TLL2: variants seen among roughly 807,000 people sequenced by gnomAD.
TLL2 encodes the protein tolloid like 2.
Under a neutral mutation model 123.0 loss-of-function variants are expected in TLL2, and 106 were observed. The observed-to-expected ratio is 0.86, with a 90% CI of 0.74 to 1.01. TLL2 has a LOEUF of 1.01. Ranked by LOEUF, TLL2 falls within the 50% of genes least tolerant of loss-of-function variation. The pLI, the probability that TLL2 is intolerant of heterozygous loss-of-function variation, is 0.00. For synonymous variants in TLL2, 494 were observed against 516.8 expected, an observed-to-expected ratio of 0.96 and a Z score of 0.60; for missense variants, 1,332 against 1,336.7, an observed-to-expected ratio of 1.00 and a Z score of 0.06.
chr10:96,393,720 CT>C (rs1044972664), intron 13 of TLL2, among the ~76,000 whole-genome samples: 24 of 102,224 alleles, frequency 2.3e-4, no homozygotes, highest in South Asian at 3.8e-4. Flanking sequence ...TATGGCCTGG[CT>C]TTTTTTTTCT....
At chr10:96,430,913 C>CA (rs1425943449) in intron 4 of TLL2, among the ~76,000 whole-genome samples, 4 of 152,042 alleles carry the variant, frequency 2.6e-5, no homozygotes, top group Non-Finnish European at 5.9e-5. Context: ...AAGAAACAAA[C>CA]AACAACAACA....
At position 96,395,911 on chromosome 10, in the gene TLL2, C is replaced by G. The variant is rs1846335106; in HGVS notation, c.1494G>C (p.Glu498Asp). 6.2e-7 allele frequency: 1 copy of G among 1,614,098 alleles called. No homozygotes were observed. The highest frequency in any genetic ancestry group is 8.5e-7 in the Non-Finnish European group (1 of 1,180,044). ...GGAAGGTAAGTCCCACGTGAAACCCCTCTGAAACCGTAATCCTCCAGACAC... is the reference window on the plus strand; with the variant it reads ...GGAAGGTAAGTCCCACGTGAAACCCGTCTGAAACCGTAATCCTCCAGACAC... ...KECVWRITVS[E>D]GFHVGLTFQA... is the part of the protein sequence containing the mutation. The change falls in exon 12 of 21, where the codon GAG (glutamate) becomes GAC (aspartate). Residue 498 changes from glutamate (E) to aspartate (D), a missense_variant. Physicochemically the swap from Glu to Asp is conservative, Grantham distance 45 (BLOSUM62 2). Coordinates refer to ENST00000357947, the MANE Select transcript of TLL2 (RefSeq NM_012465.4).
At chr10:96,475,846 C>T (rs766961741) in intron 2 of TLL2, among the ~76,000 whole-genome samples, 3 of 152,222 alleles carry the variant, frequency 2.0e-5, no homozygotes, top group South Asian at 2.1e-4. Context: ...AATTATGGGA[C>T]GGGTCTTTCC....
intron 3 of TLL2, among the ~76,000 whole-genome samples, chr10:96,436,689 C>T (rs1180102924): frequency 2.0e-5 from 3 of 151,468 alleles, no homozygotes; most frequent in African/African-American, 7.3e-5. Context: ...TATTGCTATA[C>T]CTTTTTTTTT....
rs972145058 is a variant in TLL2, at chr10:96,374,977, G to A, written c.2449-1168C>T. Reference sequence around the variant, plus strand: ...CATTAGTTGCGGGGGGGGGGGGGGGGTGTCAATTCAAAAGAGCGGGGCTGG... The same window carrying A: ...CATTAGTTGCGGGGGGGGGGGGGGGATGTCAATTCAAAAGAGCGGGGCTGG... On this transcript the variant is annotated intron_variant, in intron 18 of 20. Transcript: ENST00000357947. Among the ~76,000 whole-genome samples the A allele has an allele frequency of 1.7e-3, 105 of 61,130 alleles. 2 individuals carry two copies. Among genetic ancestry groups the A allele is most frequent in the African/African-American group, 6.1e-3 (70 of 11,428 alleles). The allele number at this position is 61,130 out of a possible 152,430, so 40.1% of individuals were successfully genotyped here. A position where few individuals can be genotyped will look rare whatever the true frequency, so the allele number is the denominator to read the frequency against.
intron 1 of TLL2, among the ~76,000 whole-genome samples, chr10:96,482,090 T>G (rs2134105265): frequency 6.6e-6 from 1 of 152,204 alleles, no homozygotes; most frequent in Admixed American, 6.5e-5. Context: ...ACTCTGTCTC[T>G]ATTAAAAATA....
chr10:96,474,544 G>A (rs1461014945), intron 2 of TLL2, among the ~76,000 whole-genome samples: 2 of 152,146 alleles, frequency 1.3e-5, no homozygotes, highest in East Asian at 1.9e-4. Flanking sequence ...GGAAACTGGG[G>A]GCCTGCACAG....
chr10:96,418,750 AAAT>A (rs138063390), intron 7 of TLL2, among the ~76,000 whole-genome samples: 6,037 of 148,030 alleles, frequency 0.041, 397 homozygotes, highest in African/African-American at 0.13. Flanking sequence ...TGAATTTATA[AAAT>A]AATAATTATT....
chr10:96,434,703 T>G (rs1164396605), intron 3 of TLL2, among the ~76,000 whole-genome samples: 1 of 152,236 alleles, frequency 6.6e-6, no homozygotes, highest in Admixed American at 6.5e-5. Context: ...GGTACATGCC[T>G]GGGGTGGAAT....
chr10:96,499,952 T>C (rs1488303340), intron 1 of TLL2, among the ~76,000 whole-genome samples: 2 of 151,944 alleles, frequency 1.3e-5, no homozygotes, highest in African/African-American at 2.4e-5. Flanking sequence ...AAAACTAGAA[T>C]ATAAACTATT....
intron 2 of TLL2, among the ~76,000 whole-genome samples, chr10:96,464,750 T>C (rs538219773): frequency 6.8e-4 from 104 of 152,316 alleles, no homozygotes; most frequent in African/African-American, 2.4e-3. Context: ...ATATCCATAA[T>C]ACATGTTTTC....
chr10:96,513,476 A>G lies in TLL2; in HGVS notation c.175+35T>C, dbSNP rs754976960. On this transcript the variant is annotated intron_variant, in intron 1 of 20. Coordinates refer to ENST00000357947, the MANE Select transcript of TLL2 (RefSeq NM_012465.4). ...CCACCTCATTTGCATTTCAAAGGCA[A>G]ACTTCTGCGGGACTTCCCCAGCGGC... 6 of 1,610,612 alleles carry G rather than the reference A, an allele frequency of 3.7e-6. No homozygotes were observed. In the Admixed American group the frequency reaches 1.0e-4, roughly 27 times the overall value.
At position 96,384,735 on chromosome 10, in the gene TLL2, G is replaced by A. The variant is rs370016272; in HGVS notation, c.2046C>T (p.Ser682=). ...VCKYDFVEVR[S]GLSPDAKLHG... ...GCAGCTTGGCGTCGGGGGACAGGCC[G>A]CTGCGCACCTCTACAAAGTCGTACT... Residue 682 remains serine, a synonymous_variant, in exon 16 of 21, where the codon AGC becomes AGT. Coordinates refer to ENST00000357947, the MANE Select transcript of TLL2 (RefSeq NM_012465.4). The A allele has an allele frequency of 1.8e-5, 29 of 1,606,070 alleles. No homozygotes were observed. Among genetic ancestry groups the A allele is most frequent in the Middle Eastern group, 1.6e-4 (1 of 6,068 alleles).
intron 2 of TLL2, among the ~76,000 whole-genome samples, chr10:96,466,541 C>A (rs1322022742): frequency 1.3e-5 from 2 of 152,212 alleles, no homozygotes; most frequent in Non-Finnish European, 2.9e-5. Context: ...ATGGCCAGGC[C>A]TACTTGTCGG....
At chr10:96,410,704 G>C (rs1359903038) in intron 8 of TLL2, 3 of 619,678 alleles carry the variant, frequency 4.8e-6, no homozygotes, top group Admixed American at 2.1e-5. Flanking sequence ...TCTCAGGACT[G>C]AGCATGGCCT....
intron 2 of TLL2, among the ~76,000 whole-genome samples, chr10:96,452,284 G>A (rs1490694435): frequency 6.6e-6 from 1 of 152,238 alleles, no homozygotes. Context: ...TAAGTGATGA[G>A]AGATGGATAT....
Position 96,497,936 on chromosome 10 carries a change from T to C in TLL2, c.175+15575A>G, listed in dbSNP as rs944354615. On this transcript the variant is annotated intron_variant, in intron 1 of 20. Coordinates refer to ENST00000357947, the MANE Select transcript of TLL2 (RefSeq NM_012465.4). ...CCTTTCACTGCTTAATTGGGCAGAA[T>C]ATGACTTACTGCTATCTCATGCCTG... is the stretch of plus-strand genomic sequence containing the variant. Among the ~76,000 whole-genome samples, 4 of 152,268 alleles carry C rather than the reference T, an allele frequency of 2.6e-5. No homozygotes were observed. In the East Asian group the frequency reaches 5.8e-4, roughly 22 times the overall value.
At chr10:96,431,806 C>G (rs111268580) in intron 4 of TLL2, among the ~76,000 whole-genome samples, 9 of 152,092 alleles carry the variant, frequency 5.9e-5, no homozygotes, top group Non-Finnish European at 1.0e-4. Context: ...GGGGGGAGGG[C>G]AGAAGGCCTT....
intron 2 of TLL2, among the ~76,000 whole-genome samples, chr10:96,446,651 C>A (rs998552869): frequency 6.6e-6 from 1 of 152,156 alleles, no homozygotes; most frequent in Admixed American, 6.5e-5. Context: ...TCTTAGTATT[C>A]GGGTTTCCTC....
Sources: gnomAD v4.1 joint callset for allele counts (sites outside exome capture counted in the v4.1 genomes callset) on GRCh38, gnomAD v4.1.1 for gene constraint, MANE v1.5 for transcripts, NCBI Gene and HGNC (gene_info 2026-07-23, HGNC 2026-07-21) for gene names.